TMPRSS9: variants seen among roughly 807,000 people sequenced by gnomAD.
TMPRSS9 encodes transmembrane serine protease 9.
Under a neutral mutation model 111.4 loss-of-function variants are expected in TMPRSS9, and 113 were observed. The observed-to-expected ratio is 1.01, with a 90% CI of 0.87 to 1.19. The LOEUF (loss-of-function observed/expected upper bound fraction) is 1.19, where lower values mean the gene tolerates loss of function less well. Among genes scored for constraint, TMPRSS9 ranks in the 50% most tolerant of loss-of-function variants. The pLI, the probability that TMPRSS9 is intolerant of heterozygous loss-of-function variation, is 0.00. For missense variants in TMPRSS9, 1,803 were observed against 1,513.1 expected, an observed-to-expected ratio of 1.19 and a Z score of -3.18; for synonymous variants, 805 against 659.1, an observed-to-expected ratio of 1.22 and a Z score of -3.39.
intron 1 of TMPRSS9, among the ~76,000 whole-genome samples, chr19:2,378,712 C>G (rs564367447): frequency 6.6e-6 from 1 of 151,994 alleles, no homozygotes; most frequent in South Asian, 2.1e-4. Context: ...AGCGAGACTC[C>G]GTCTAAAAAC....
chr19:2,419,208 CT>C (rs1324622457), intron 13 of TMPRSS9, among the ~76,000 whole-genome samples: 2 of 138,520 alleles, frequency 1.4e-5, no homozygotes, highest in African/African-American at 2.7e-5. Flanking sequence ...GTCTTTCTCT[CT>C]GTTTCTTTCT....
At chr19:2,421,967 G>C (rs372301343) in exon 14 of TMPRSS9, 1 of 1,613,208 alleles carries the variant, frequency 6.2e-7, no homozygotes. Flanking sequence ...GCGTGTACAC[G>C]CGCATCACCA....
At chr19:2,372,937 T>TCTTC (rs1408085222) in intron 1 of TMPRSS9, among the ~76,000 whole-genome samples, 1 of 152,170 alleles carries the variant, frequency 6.6e-6, no homozygotes, top group African/African-American at 2.4e-5. Flanking sequence ...GGACAAGTGA[T>TCTTC]CTTCCTGCCT....
At chr19:2,376,269 C>T (rs779551105) in intron 1 of TMPRSS9, among the ~76,000 whole-genome samples, 10 of 152,124 alleles carry the variant, frequency 6.6e-5, no homozygotes, top group African/African-American at 2.2e-4. Context: ...CACCTCCTCT[C>T]ATGAGAACAC....
chr19:2,383,794 A>AC lies in TMPRSS9; in HGVS notation c.-25-5960dup, dbSNP rs940138357. Among the ~76,000 whole-genome samples the AC allele has an allele frequency of 3.3e-4, 49 of 149,650 alleles. 2 individuals are homozygous for AC. Among genetic ancestry groups the AC allele is most frequent in the Admixed American group, 1.2e-3 (18 of 14,646 alleles). Reference sequence around the variant, plus strand: ...ACTCCAGCCTGGGGGACAGAGTGAGACCCCCCCATCTCAAAACAATAAAAA... The same window carrying AC: ...ACTCCAGCCTGGGGGACAGAGTGAGACCCCCCCCATCTCAAAACAATAAAAA... On this transcript the variant is annotated intron_variant, in intron 1 of 17. Transcript: ENST00000649857.
At chr19:2,385,188 C>CG (rs1173392532), upstream of TMPRSS9, among the ~76,000 whole-genome samples, 256 of 24,966 alleles carry the variant, frequency 0.01, 2 homozygotes, top group Middle Eastern at 0.025. Flanking sequence ...GCGGGGCTCG[C>CG]GGGGGCGGGG....
intron 7 of TMPRSS9, among the ~76,000 whole-genome samples, chr19:2,406,138 G>A (rs1455325969): frequency 1.3e-5 from 2 of 149,600 alleles, no homozygotes; most frequent in African/African-American, 5.0e-5. Flanking sequence ...AGCCTCCCGA[G>A]TAGCTGGGAA....
At chr19:2,423,416 C>A (rs1045781265) in intron 14 of TMPRSS9, among the ~76,000 whole-genome samples, 1 of 144,870 alleles carries the variant, frequency 6.9e-6, no homozygotes. Context: ...CTGGCATTTC[C>A]CCTTACTGGC....
At chr19:2,400,043 T>G (rs1209362452) in intron 4 of TMPRSS9, among the ~76,000 whole-genome samples, 1 of 152,226 alleles carries the variant, frequency 6.6e-6, no homozygotes, top group Non-Finnish European at 1.5e-5. Context: ...TTTTCATCTT[T>G]GTGGTCCGTT....
rs553442814 is a variant in TMPRSS9, at chr19:2,360,428, G to T, written c.-26+68G>T. The stretch of plus-strand genomic sequence containing the variant: ...GCCCCCACTTCCTCCAACCCCATTC[G>T]CCAAGCCCCGGGGCTGTTTGGTTGC... On this transcript the variant is annotated intron_variant, in intron 1 of 17. Coordinates refer to the TMPRSS9 transcript ENST00000649857. Among the ~76,000 whole-genome samples the T allele has an allele frequency of 7.2e-5, 11 of 152,254 alleles. No individual in the cohort carries two copies. In the East Asian group the frequency reaches 2.1e-3, roughly 29 times the overall value.
In TMPRSS9 at chr19:2,376,839, T is replaced by C. The variant is rs570605677; in HGVS notation, c.-25-12922T>C. On this transcript the variant is annotated intron_variant, in intron 1 of 17. Coordinates refer to the TMPRSS9 transcript ENST00000649857. ...AGTCAAGGCTCTTTCTGACCTTTGCTTGGTTCAAAGGAAGATTCTGCCGCC... is the reference window on the plus strand; with the variant it reads ...AGTCAAGGCTCTTTCTGACCTTTGCCTGGTTCAAAGGAAGATTCTGCCGCC... Among the ~76,000 whole-genome samples, 5 of 152,234 alleles carry C rather than the reference T, an allele frequency of 3.3e-5. No homozygotes were observed. In the East Asian group the frequency reaches 9.7e-4, roughly 30 times the overall value.
rs1344330527 is a variant in TMPRSS9 at position 2,421,811 on chromosome 19, G to A, written c.2155-43G>A. 3.3e-6 allele frequency: 5 copies of A among 1,537,378 alleles called. No homozygotes were observed. The South Asian group carries it at 6.3e-5, about 19-fold the overall frequency. The stretch of plus-strand genomic sequence containing the variant: ...AGGGTATGGCAGTGCTGGGAAGAGA[G>A]GGTCCCTGGAGGACCAACCAGTGCT... On this transcript the variant is annotated intron_variant, in intron 13 of 17. Transcript: ENST00000648592.
upstream of TMPRSS9, chr19:2,389,739 T>C (rs1165898259): frequency 1.9e-6 from 3 of 1,575,758 alleles, no homozygotes; most frequent in Non-Finnish European, 2.6e-6. Context: ...CCCGTGTTTC[T>C]GTCTTGCTGT....
At chr19:2,421,192 G>A (rs1054330297) in intron 13 of TMPRSS9, among the ~76,000 whole-genome samples, 2 of 152,062 alleles carry the variant, frequency 1.3e-5, no homozygotes, top group Non-Finnish European at 2.9e-5. Context: ...GGCAACAAGA[G>A]CGAGACTCTG....
At chr19:2,405,695 C>A in intron 7 of TMPRSS9, 150 bp downstream of exon 8, 2 of 730,734 alleles carry the variant, frequency 2.7e-6, no homozygotes, top group Non-Finnish European at 4.0e-6. Context: ...GTTGTTGAAT[C>A]TGAGGGCATT....
chr19:2,421,936 G>C, exon 14 of TMPRSS9: 4 of 1,613,178 alleles, frequency 2.5e-6, no homozygotes, highest in Middle Eastern at 1.7e-4. Context: ...GGTATTGGCT[G>C]CGCTCAGGTT....
chr19:2,410,573 C>T (rs570906244), intron 9 of TMPRSS9, among the ~76,000 whole-genome samples, 179 bp downstream of exon 10: 4 of 152,242 alleles, frequency 2.6e-5, no homozygotes, highest in South Asian at 2.1e-4. Context: ...TCTGGATGCC[C>T]GTTCTTGAGG....
chr19:2,420,578 A>C (rs1432903757), intron 13 of TMPRSS9, among the ~76,000 whole-genome samples: 1 of 152,206 alleles, frequency 6.6e-6, no homozygotes, highest in Admixed American at 6.6e-5. Flanking sequence ...GAAGGTGGTA[A>C]ATAACCTGCA....
intron 1 of TMPRSS9, among the ~76,000 whole-genome samples, chr19:2,364,866 A>G (rs1345220574): frequency 6.6e-6 from 1 of 151,930 alleles, no homozygotes; most frequent in Non-Finnish European, 1.5e-5. Flanking sequence ...GGGCGCCTGT[A>G]ATCTCGGGAG....
Sources: allele counts gnomAD v4.1 joint callset (sites outside exome capture counted in the v4.1 genomes callset), GRCh38; gene constraint gnomAD v4.1.1; transcripts MANE v1.5; gene names NCBI Gene and HGNC (gene_info 2026-07-23, HGNC 2026-07-21).